MSI2: variants seen among roughly 807,000 people sequenced by gnomAD.
MSI2 encodes musashi RNA binding protein 2.
Under a neutral mutation model 45.6 loss-of-function variants are expected in MSI2, and 17 were observed. The observed-to-expected ratio is 0.37, with a 90% CI of 0.26 to 0.56. The LOEUF (loss-of-function observed/expected upper bound fraction) is 0.56. Among genes scored for constraint, MSI2 ranks in the 20% least tolerant of loss-of-function variants. The pLI is 0.77. For synonymous variants in MSI2, 156 were observed against 158.2 expected (o/e 0.99, Z 0.11); for missense variants, 293 against 444.2 (o/e 0.66, Z 3.06).
chr17:57,379,032 T>C (rs796345997), intron 5 of MSI2, among the ~76,000 whole-genome samples: 14 of 152,192 alleles, frequency 9.2e-5, no homozygotes, highest in African/African-American at 3.1e-4. Context: ...CCTGGGTCTA[T>C]CTCGCTTTTG....
chr17:57,661,296 G>T (rs150301095), intron 11 of MSI2, among the ~76,000 whole-genome samples: 2 of 152,288 alleles, frequency 1.3e-5, no homozygotes, highest in African/African-American at 4.8e-5. Context: ...AGGTCAGAGA[G>T]TACCCAGAAG....
At chr17:57,315,763 G>A (rs1385076101) in intron 5 of MSI2, among the ~76,000 whole-genome samples, 1 of 152,142 alleles carries the variant, frequency 6.6e-6, no homozygotes, top group African/African-American at 2.4e-5. Flanking sequence ...CAATCCTTGG[G>A]AGACTTCTTC....
At chr17:57,554,761 TGCCCATG>T (rs1386405020) in intron 7 of MSI2, among the ~76,000 whole-genome samples, 1 of 152,252 alleles carries the variant, frequency 6.6e-6, no homozygotes, top group Non-Finnish European at 1.5e-5. Context: ...TTAAGGAACT[TGCCCATG>T]GACACACAGC....
At chr17:57,436,659 G>A (rs1368733723) in intron 6 of MSI2, among the ~76,000 whole-genome samples, 1 of 152,210 alleles carries the variant, frequency 6.6e-6, no homozygotes, top group Non-Finnish European at 1.5e-5. Flanking sequence ...GGGGGTGAGA[G>A]CAGGCAGAAT....
intron 5 of MSI2, among the ~76,000 whole-genome samples, chr17:57,321,853 G>A (rs1363446709): frequency 4.0e-5 from 6 of 151,636 alleles, no homozygotes; most frequent in South Asian, 2.1e-4. Context: ...CTGGAGTGCC[G>A]TGGCGCGATC....
intron 6 of MSI2, among the ~76,000 whole-genome samples, chr17:57,494,418 C>T (rs1307909939): frequency 6.6e-6 from 1 of 151,862 alleles, no homozygotes; most frequent in African/African-American, 2.4e-5. Context: ...AGACTGTGGA[C>T]CTGGAGTGGG....
the MSI2 span, among the ~76,000 whole-genome samples, chr17:57,690,910 G>A: frequency 9.9e-5 from 15 of 152,096 alleles, no homozygotes; most frequent in African/African-American, 2.7e-4. Flanking sequence ...TTATAGTTTC[G>A]CATTTTGCAT....
chr17:57,393,718 G>A (rs544252556), intron 5 of MSI2, among the ~76,000 whole-genome samples: 11 of 152,220 alleles, frequency 7.2e-5, no homozygotes, highest in African/African-American at 2.4e-4. Context: ...TTTCACTCTT[G>A]TCACCCAGGC....
intron 6 of MSI2, among the ~76,000 whole-genome samples, chr17:57,510,133 T>C (rs2086320107): frequency 6.6e-6 from 1 of 152,058 alleles, no homozygotes; most frequent in Non-Finnish European, 1.5e-5. Context: ...CCCCATCTAC[T>C]CCTTCCTCTG....
intron 5 of MSI2, among the ~76,000 whole-genome samples, chr17:57,340,837 T>A (rs1915082015): frequency 6.6e-6 from 1 of 152,194 alleles, no homozygotes; most frequent in South Asian, 2.1e-4. Flanking sequence ...TCAGCGCATC[T>A]GAGCCCAGCA....
the MSI2 span, among the ~76,000 whole-genome samples, chr17:57,692,490 T>C: frequency 6.6e-6 from 1 of 152,220 alleles, no homozygotes; most frequent in African/African-American, 2.4e-5. Context: ...GACCCTTTCA[T>C]ATGTACCTTT....
At chr17:57,269,203 G>A (rs1386242478) in intron 5 of MSI2, among the ~76,000 whole-genome samples, 1 of 152,206 alleles carries the variant, frequency 6.6e-6, no homozygotes. Flanking sequence ...GTGTTGCAAA[G>A]GGTATGTGCT....
At chr17:57,265,570 T>C (rs1320602735) in intron 5 of MSI2, 1 of 152,082 alleles carries the variant, frequency 6.6e-6, no homozygotes, top group Non-Finnish European at 1.5e-5. Context: ...CAAAGGAAGG[T>C]TTTGAATCCT....
rs544189642 is a variant in MSI2 at position 57,421,113 on chromosome 17, C to T, written c.405+19642C>T. 3.3e-5 allele frequency among the ~76,000 whole-genome samples: 5 copies of T among 152,156 alleles called. No individual in the cohort carries two copies. The East Asian group carries it at 9.7e-4, about 29-fold the overall frequency. On this transcript the variant is annotated intron_variant, in intron 6 of 13. Coordinates refer to ENST00000284073, the MANE Select transcript of MSI2 (RefSeq NM_138962.4). ...TCTGAGGTATAATTTATATCAATGG[C>T]TGTAATATTGGTTCCCTTACTGAGG...
chr17:57,685,249 A>C (rs936523985), downstream of MSI2, among the ~76,000 whole-genome samples: 1 of 152,196 alleles, frequency 6.6e-6, no homozygotes, highest in Non-Finnish European at 1.5e-5. Flanking sequence ...AAACGAGAGG[A>C]TACAAAAGAA....
At chr17:57,422,563 A>G (rs952922321) in intron 6 of MSI2, among the ~76,000 whole-genome samples, 9 of 152,232 alleles carry the variant, frequency 5.9e-5, no homozygotes, top group African/African-American at 2.2e-4. Flanking sequence ...AGGAAAGTAC[A>G]TGCCCAATGG....
At chr17:57,698,968 C>T in the MSI2 span, among the ~76,000 whole-genome samples, 1 of 135,144 alleles carries the variant, frequency 7.4e-6, no homozygotes, top group African/African-American at 2.8e-5. Context: ...TACCAATGCA[C>T]TTCTGATTGG....
chr17:57,390,885 CAT>C (rs1487624574), intron 5 of MSI2, among the ~76,000 whole-genome samples: 1 of 152,110 alleles, frequency 6.6e-6, no homozygotes, highest in African/African-American at 2.4e-5. Flanking sequence ...TTCCTTCTAA[CAT>C]GGTTTCTCAG....
chr17:57,528,819 G>A (rs1303902389), intron 6 of MSI2, among the ~76,000 whole-genome samples: 1 of 152,052 alleles, frequency 6.6e-6, no homozygotes, highest in Admixed American at 6.6e-5. Flanking sequence ...CTCCAAATAC[G>A]GTCACATTTT....
Sources: allele counts gnomAD v4.1 joint callset (sites outside exome capture counted in the v4.1 genomes callset), GRCh38; gene constraint gnomAD v4.1.1; transcripts MANE v1.5; gene names NCBI Gene and HGNC (gene_info 2026-07-23, HGNC 2026-07-21).